The following STRBP variants were observed in gnomAD, a reference collection of about 807,000 sequenced individuals.
STRBP encodes the protein spermatid perinuclear RNA binding protein.
Under a neutral mutation model 80.1 loss-of-function variants are expected in STRBP, and 13 were observed. The ratio of observed to expected loss-of-function variants is 0.16; its 90% CI spans 0.11 to 0.26. STRBP has a LOEUF of 0.26. Ranked by LOEUF, STRBP falls within the 10% of genes least tolerant of loss-of-function variation. The pLI is 1.00. For synonymous variants in STRBP, 284 were observed against 291.2 expected, an observed-to-expected ratio of 0.98 and a Z score of 0.25; for missense variants, 485 against 815.2, an observed-to-expected ratio of 0.59 and a Z score of 4.93.
At chr9:123,265,558 G>T (rs2041249163) in intron 1 of STRBP, among the ~76,000 whole-genome samples, 1 of 152,146 alleles carries the variant, frequency 6.6e-6, no homozygotes, top group Non-Finnish European at 1.5e-5. Flanking sequence ...AAGATTCTAG[G>T]AAACCTTGCT....
intron 13 of STRBP, among the ~76,000 whole-genome samples, chr9:123,143,160 T>A (rs2036663927): frequency 6.6e-6 from 1 of 152,232 alleles, no homozygotes; most frequent in African/African-American, 2.4e-5. Context: ...GGAAATCTGA[T>A]GTCTCTAAGA....
intron 16 of STRBP, among the ~76,000 whole-genome samples, chr9:123,133,575 G>A (rs181312450): frequency 7.3e-5 from 11 of 151,386 alleles, no homozygotes; most frequent in Admixed American, 2.0e-4. Flanking sequence ...GTCTCGCTCT[G>A]TCACCCAGGC....
exon 3 of STRBP, chr9:123,116,087 T>A: frequency 2.2e-6 from 1 of 456,170 alleles, no homozygotes; most frequent in Non-Finnish European, 4.4e-6. Flanking sequence ...CCATATTCCT[T>A]TAACGTAGCC....
chr9:123,186,825 T>TAA (rs10534355), intron 2 of STRBP, among the ~76,000 whole-genome samples: 15 of 142,276 alleles, frequency 1.1e-4, no homozygotes, highest in South Asian at 8.8e-4. Context: ...TTTCTTTTTT[T>TAA]AAAAAAAAAA....
intron 2 of STRBP, among the ~76,000 whole-genome samples, chr9:123,193,566 C>T (rs1394751320): frequency 6.6e-6 from 1 of 152,178 alleles, no homozygotes; most frequent in African/African-American, 2.4e-5. Context: ...ATTTTAATAA[C>T]CGCAGAGATG....
At position 123,115,949 on chromosome 9, in the gene STRBP, C is replaced by T; in HGVS notation, c.*64G>A. On this transcript the variant is annotated 3_prime_UTR_variant and NMD_transcript_variant, in exon 3 of 4. Transcript: ENST00000471564. The surrounding 1 kb of genome is among the most constrained non-coding windows in gnomAD (Gnocchi z 5.0). ...AATACCTGGCAGGAGTGCCCACGTT[C>T]TCTCCAGGTCTCCTCTTCACCAGCC... 2.2e-6 allele frequency: 1 copy of T among 451,650 alleles called. No individual in the cohort carries two copies. The highest frequency in any genetic ancestry group is 4.4e-6 in the Non-Finnish European group (1 of 224,880). 28.0% of individuals were successfully genotyped at this position (451,650 alleles called of 1,614,324 possible).
chr9:123,153,999 G>T (rs1564243356), intron 11 of STRBP, among the ~76,000 whole-genome samples: 1 of 152,162 alleles, frequency 6.6e-6, no homozygotes, highest in African/African-American at 2.4e-5. Flanking sequence ...CAAATGAAAA[G>T]TGGTATTTCA....
At position 123,147,880 on chromosome 9, in the gene STRBP, A is replaced by T; in HGVS notation, c.1046-10T>A. 3 of 1,603,270 alleles carry T rather than the reference A, an allele frequency of 1.9e-6. No individual in the cohort carries two copies. Among genetic ancestry groups the T allele is most frequent in the Non-Finnish European group, 2.6e-6 (3 of 1,172,886 alleles). ...GCTGAAGACCCAGCACCTAAAAAAA[A>T]TTATGAGGGATTCATTATCAGTCAA... On this transcript the variant is annotated splice_polypyrimidine_tract_variant and intron_variant, in intron 11 of 18. Transcript: ENST00000348403.
At chr9:123,244,704 TG>T (rs1202453624) in intron 1 of STRBP, among the ~76,000 whole-genome samples, 1 of 152,172 alleles carries the variant, frequency 6.6e-6, no homozygotes, top group Non-Finnish European at 1.5e-5. Context: ...ACACTGCTGG[TG>T]GGAATGTAAA....
chr9:123,180,644 C>G (rs2038418372), intron 3 of STRBP, among the ~76,000 whole-genome samples: 1 of 152,124 alleles, frequency 6.6e-6, no homozygotes, highest in Non-Finnish European at 1.5e-5. Flanking sequence ...ATCAGTGGAA[C>G]AGACCAGAAC....
At chr9:123,208,659 C>T (rs1466660372) in intron 2 of STRBP, among the ~76,000 whole-genome samples, 1 of 152,210 alleles carries the variant, frequency 6.6e-6, no homozygotes, top group Non-Finnish European at 1.5e-5. Context: ...AGCTTTACCA[C>T]ATGGTCTTTC....
chr9:123,254,688 A>T (rs1178719652), intron 1 of STRBP, among the ~76,000 whole-genome samples: 2 of 152,152 alleles, frequency 1.3e-5, no homozygotes, highest in Non-Finnish European at 2.9e-5. Flanking sequence ...TATACTCCAA[A>T]TCTGAAAAAC....
intron 1 of STRBP, among the ~76,000 whole-genome samples, chr9:123,243,635 T>TA (rs1167112115): frequency 1.4e-5 from 2 of 137,932 alleles, no homozygotes; most frequent in East Asian, 4.5e-4. Context: ...AAATAAAAAT[T>TA]AAAAAACAAG....
At chr9:123,200,762 T>TTTTTTTTTTTTTTTTTTTTTTTA (rs1554762956) in intron 2 of STRBP, among the ~76,000 whole-genome samples, 1 of 133,486 alleles carries the variant, frequency 7.5e-6, no homozygotes, top group African/African-American at 2.9e-5. Flanking sequence ...TTTTTTTTTT[T>TTTTTTTTTTTTTTTTTTTTTTTA]AGTAGAGACC....
At chr9:123,205,134 C>T (rs1366380877) in intron 2 of STRBP, among the ~76,000 whole-genome samples, 7 of 151,728 alleles carry the variant, frequency 4.6e-5, no homozygotes, top group East Asian at 3.9e-4. Flanking sequence ...GGTGTGGTGG[C>T]GGGCACCTGT....
chr9:123,215,699 C>G (rs187225689), intron 2 of STRBP, among the ~76,000 whole-genome samples: 1 of 152,084 alleles, frequency 6.6e-6, no homozygotes, highest in Non-Finnish European at 1.5e-5. Flanking sequence ...GCAGGAGAAT[C>G]GTTTGAACCC....
At chr9:123,202,565 G>A (rs2039365581) in intron 2 of STRBP, among the ~76,000 whole-genome samples, 1 of 152,156 alleles carries the variant, frequency 6.6e-6, no homozygotes, top group Non-Finnish European at 1.5e-5. Context: ...GGTTTCTGCT[G>A]AGAAGTCTGC....
intron 3 of STRBP, chr9:123,111,862 G>A (rs2035572964): frequency 1.7e-5 from 4 of 240,002 alleles, no homozygotes; most frequent in South Asian, 1.4e-4. Flanking sequence ...AGCAAAATCC[G>A]AGAGGCACTT....
chr9:123,130,381 C>A (rs2036084086), intron 17 of STRBP, among the ~76,000 whole-genome samples: 1 of 152,120 alleles, frequency 6.6e-6, no homozygotes, highest in Non-Finnish European at 1.5e-5. Context: ...GGGACACAGG[C>A]CTTTCAGGGA....
Sources: allele counts gnomAD v4.1 joint callset (sites outside exome capture counted in the v4.1 genomes callset), GRCh38; gene constraint gnomAD v4.1.1; non-coding constraint Gnocchi (gnomAD v3.1); transcripts MANE v1.5; gene names NCBI Gene and HGNC (gene_info 2026-07-23, HGNC 2026-07-21).